Variants in ANTXR1 observed in about 807,000 individuals in gnomAD.
The protein encoded by ANTXR1 is anthrax toxin receptor 1.
In ANTXR1, 19 loss-of-function variants were observed where a neutral mutation model predicts 78.1. The ratio of observed to expected loss-of-function variants is 0.24; its 90% CI spans 0.17 to 0.36. The LOEUF (loss-of-function observed/expected upper bound fraction) is 0.36. Among genes scored for constraint, ANTXR1 ranks in the 10% least tolerant of loss-of-function variants. The pLI is 1.00. For missense variants in ANTXR1, 518 were observed against 718.6 expected, an observed-to-expected ratio of 0.72 and a Z score of 3.19; for synonymous variants, 273 against 260.5, an observed-to-expected ratio of 1.05 and a Z score of -0.46.
At chr2:69,123,149 C>T in intron 11 of ANTXR1, 63 bp downstream of exon 11, 1 of 1,540,424 alleles carries the variant, frequency 6.5e-7, no homozygotes, top group East Asian at 2.2e-5. Flanking sequence ...TGTACGGGGA[C>T]AGGGGAAAAG....
At chr2:69,095,215 C>G (rs767392909) in intron 9 of ANTXR1, among the ~76,000 whole-genome samples, 1 of 151,738 alleles carries the variant, frequency 6.6e-6, no homozygotes, top group Non-Finnish European at 1.5e-5. Context: ...CCTTTTCTTT[C>G]TTCTTTCCCT....
rs945206894 is a variant in ANTXR1 at position 69,013,727 on chromosome 2, G to T, written c.152+76G>T. ...CTTTCGCCCCGGGCCGGGCTCGTTG[G>T]CAGGGTCGCCTGGGGACAGGAGCGC... On this transcript the variant is annotated intron_variant, in intron 1 of 17. Coordinates refer to ENST00000303714, the MANE Select transcript of ANTXR1 (RefSeq NM_032208.3). This position sits in a 1 kb window ranked among gnomAD's most constrained non-coding sequence, Gnocchi z 5.0. The T allele has an allele frequency of 1.3e-6, 2 of 1,549,792 alleles. No individual in the cohort carries two copies. Among genetic ancestry groups the T allele is most frequent in the African/African-American group, 2.7e-5 (2 of 73,004 alleles).
intron 12 of ANTXR1, among the ~76,000 whole-genome samples, chr2:69,135,449 C>G (rs1377340021): frequency 1.3e-5 from 2 of 151,994 alleles, no homozygotes; most frequent in Non-Finnish European, 2.9e-5. Context: ...CTCAGATTGA[C>G]AGATTGTGTT....
chr2:69,015,239 G>C (rs1158854410), intron 1 of ANTXR1, among the ~76,000 whole-genome samples: 1 of 88,304 alleles, frequency 1.1e-5, no homozygotes, highest in Non-Finnish European at 2.3e-5. Flanking sequence ...TTGATGATAA[G>C]AATTTAACAA....
intron 17 of ANTXR1, 30 bp from the exon 18 acceptor site, chr2:69,245,195 C>A (rs1227330038): frequency 6.2e-7 from 1 of 1,613,946 alleles, no homozygotes; most frequent in East Asian, 2.2e-5. Context: ...GCCGTCCGCT[C>A]ACGTTTCCTT....
chr2:69,128,111 C>G (rs555149225), intron 12 of ANTXR1, among the ~76,000 whole-genome samples: 1 of 152,134 alleles, frequency 6.6e-6, no homozygotes, highest in Non-Finnish European at 1.5e-5. Flanking sequence ...GTAGTCCCAG[C>G]TACTTTGGAG....
intron 17 of ANTXR1, among the ~76,000 whole-genome samples, chr2:69,232,169 G>A (rs1246414688): frequency 1.3e-5 from 2 of 151,890 alleles, no homozygotes; most frequent in African/African-American, 4.8e-5. Context: ...AACCACCCTT[G>A]GACTTCAATA....
chr2:69,246,558 T>G lies in ANTXR1; in HGVS notation c.*1073T>G, dbSNP rs1676027244. On this transcript the variant is annotated 3_prime_UTR_variant, in exon 18 of 18. Coordinates refer to ENST00000303714, the MANE Select transcript of ANTXR1 (RefSeq NM_032208.3). ...CTGAGAGACAATGGTCCTGACATAATAAGGATCTTTGATTAACCCCCATAA... is the reference window on the plus strand; with the variant it reads ...CTGAGAGACAATGGTCCTGACATAAGAAGGATCTTTGATTAACCCCCATAA... The G allele has an allele frequency of 6.6e-6, 1 of 152,184 alleles. No homozygotes were observed. Among genetic ancestry groups the G allele is most frequent in the African/African-American group, 2.4e-5 (1 of 41,432 alleles). 9.4% of individuals were successfully genotyped at this position (152,184 alleles called of 1,614,324 possible).
chr2:69,125,990 A>G (rs895312804), intron 12 of ANTXR1, among the ~76,000 whole-genome samples: 6 of 152,210 alleles, frequency 3.9e-5, no homozygotes, highest in Non-Finnish European at 8.8e-5. Context: ...TTAGGAAGTT[A>G]TTATACTATA....
chr2:69,064,138 T>C (rs1431967398), intron 3 of ANTXR1, among the ~76,000 whole-genome samples: 1 of 152,190 alleles, frequency 6.6e-6, no homozygotes, highest in African/African-American at 2.4e-5. Flanking sequence ...AATGTCACAC[T>C]GGCTAAAGAA....
At chr2:69,194,716 G>A (rs1674623135) in intron 17 of ANTXR1, among the ~76,000 whole-genome samples, 1 of 152,110 alleles carries the variant, frequency 6.6e-6, no homozygotes, top group South Asian at 2.1e-4. Context: ...AGCTAGGTAT[G>A]GTGGCACATG....
At chr2:69,103,067 C>T in intron 10 of ANTXR1, 127 bp downstream of exon 10, 2 of 1,020,352 alleles carry the variant, frequency 2.0e-6, no homozygotes, top group Non-Finnish European at 3.1e-6. Flanking sequence ...GCTGGAAAGA[C>T]CCCCAGCAAG....
At chr2:69,077,550 T>C (rs1342841993) in intron 8 of ANTXR1, 62 bp downstream of exon 8, 4 of 1,524,740 alleles carry the variant, frequency 2.6e-6, no homozygotes, top group Admixed American at 1.7e-5. Flanking sequence ...GATCTGCTAT[T>C]AATACCCCAA....
At chr2:69,214,108 G>A (rs1031325042) in intron 17 of ANTXR1, among the ~76,000 whole-genome samples, 1 of 152,248 alleles carries the variant, frequency 6.6e-6, no homozygotes, top group African/African-American at 2.4e-5. Context: ...AGCTGAATGT[G>A]GGTGAGAACC....
At chr2:69,026,233 G>GCATGGACTTCAA (rs1466574310) in intron 1 of ANTXR1, among the ~76,000 whole-genome samples, 1 of 152,232 alleles carries the variant, frequency 6.6e-6, no homozygotes. Flanking sequence ...GTTTGGACAA[G>GCATGGACTTCAA]CATGGACTTC....
chr2:69,123,981 C>T (rs1573907472), intron 11 of ANTXR1, among the ~76,000 whole-genome samples: 1 of 152,214 alleles, frequency 6.6e-6, no homozygotes, highest in Admixed American at 6.5e-5. Context: ...TGTGATGCCA[C>T]TGATTTCACA....
chr2:69,171,384 T>A (rs1285293743), intron 14 of ANTXR1, among the ~76,000 whole-genome samples: 1 of 152,240 alleles, frequency 6.6e-6, no homozygotes, highest in Non-Finnish European at 1.5e-5. Context: ...CTTCTTTACA[T>A]ACATTAAAAC....
In ANTXR1 at chr2:69,245,347, C is replaced by T; in HGVS notation, c.1557C>T (p.Pro519=). ...APIYTPPPPA[P]HCPPPPPSAP... The stretch of plus-strand genomic sequence containing the variant: ...TCTACACTCCCCCACCTCCTGCGCC[C>T]CACTGCCCTCCCCCGCCCCCCAGCG... The change falls in exon 18 of 18, where the codon CCC becomes CCT. Residue 519 remains proline, a synonymous_variant. Transcript: ENST00000303714. 1.3e-6 allele frequency: 2 copies of T among 1,551,086 alleles called. No individual in the cohort carries two copies. Among genetic ancestry groups the T allele is most frequent in the Non-Finnish European group, 8.7e-7 (1 of 1,149,906 alleles).
chr2:69,222,161 A>G (rs1247542981), intron 17 of ANTXR1, among the ~76,000 whole-genome samples: 1 of 152,174 alleles, frequency 6.6e-6, no homozygotes, highest in African/African-American at 2.4e-5. Flanking sequence ...CACCATTGTT[A>G]AAAATCACTC....
Sources: allele counts gnomAD v4.1 joint callset (sites outside exome capture counted in the v4.1 genomes callset), GRCh38; gene constraint gnomAD v4.1.1; non-coding constraint Gnocchi (gnomAD v3.1); transcripts MANE v1.5; gene names NCBI Gene and HGNC (gene_info 2026-07-23, HGNC 2026-07-21).